Variants in EIF3D observed in about 807,000 individuals in gnomAD.
The protein encoded by EIF3D is eIF3 p66.
In EIF3D, 10 loss-of-function variants were observed where a neutral mutation model predicts 75.4. The ratio of observed to expected loss-of-function variants is 0.13; its 90% CI spans 0.08 to 0.22. EIF3D has a LOEUF of 0.22. EIF3D is among the 10% of genes least tolerant of loss of function. The probability of loss-of-function intolerance (pLI) is 1.00; values close to 1 mark genes in which losing one functional copy is unlikely to be tolerated. For synonymous variants in EIF3D, 246 were observed against 248.3 expected (o/e 0.99, Z 0.09); for missense variants, 394 against 708.0 (o/e 0.56, Z 5.03).
In EIF3D at chr22:36,512,486, C is replaced by G; in HGVS notation, c.1323G>C (p.Leu441=). Residue 441 remains leucine (L), a synonymous_variant, in exon 13 of 15, where the codon CTG becomes CTC. Coordinates refer to ENST00000216190, the MANE Select transcript of EIF3D (RefSeq NM_003753.4). ...KLARWTCCAL[L]AGSEYLKLGY... ...CAAGCTTGAGGTACTCAGATCCAGCCAGCAAAGCACAGCAGGTCCACCGGG... is the reference window on the plus strand; with the variant it reads ...CAAGCTTGAGGTACTCAGATCCAGCGAGCAAAGCACAGCAGGTCCACCGGG... The G allele has an allele frequency of 6.2e-7, 1 of 1,614,232 alleles. No homozygotes were observed. Among genetic ancestry groups the G allele is most frequent in the African/African-American group, 1.3e-5 (1 of 75,056 alleles).
intron 12 of EIF3D, among the ~76,000 whole-genome samples, chr22:36,513,266 A>G (rs563196111): frequency 6.6e-6 from 1 of 152,282 alleles, no homozygotes; most frequent in South Asian, 2.1e-4. Flanking sequence ...TGGCAAACAC[A>G]GGGCAAAAGA....
chr22:36,511,681 C>G lies in EIF3D; in HGVS notation c.1455G>C (p.Glu485Asp). The G allele has an allele frequency of 1.2e-6, 2 of 1,614,146 alleles. No individual in the cohort carries two copies. Among genetic ancestry groups the G allele is most frequent in the Non-Finnish European group, 8.5e-7 (1 of 1,180,036 alleles). Residue 485 changes from glutamate to aspartate, a missense_variant, in exon 14 of 15, where the codon GAG becomes GAC. By Grantham distance (45) the Glu-to-Asp change is conservative (BLOSUM62 2). Transcript: ENST00000216190. Reference protein sequence around the residue: ...EFASQINLSVENAWGILRCVI... With the variant: ...EFASQINLSVDNAWGILRCVI... ...CGCAGCGTAAAATGCCCCAGGCATT[C>G]TCCACGCTCAGGTTGATCTGGCTGG...
chr22:36,528,843 A>T, intron 1 of EIF3D: 2 of 158,640 alleles, frequency 1.3e-5, no homozygotes, highest in Non-Finnish European at 2.8e-5. Context: ...CACCCAGCTC[A>T]TGGGCACTGA....
chr22:36,516,621 G>C lies in EIF3D; in HGVS notation c.1077-14C>G. 6.2e-7 allele frequency: 1 copy of C among 1,613,966 alleles called. No homozygotes were observed. Among genetic ancestry groups the C allele is most frequent in the Non-Finnish European group, 8.5e-7 (1 of 1,179,830 alleles). ...CACCTGCGGTAACTGCAGCAAAAAAGAAACTCATGTGGTCACTGGGGATTC... is the reference window on the plus strand; with the variant it reads ...CACCTGCGGTAACTGCAGCAAAAAACAAACTCATGTGGTCACTGGGGATTC... On this transcript the variant is annotated splice_polypyrimidine_tract_variant and intron_variant, in intron 11 of 14. Coordinates refer to ENST00000216190, the MANE Select transcript of EIF3D (RefSeq NM_003753.4).
chr22:36,512,770 A>G, intron 12 of EIF3D, 168 bp from the exon 13 acceptor site: 3 of 723,964 alleles, frequency 4.1e-6, no homozygotes, highest in Non-Finnish European at 4.4e-6. Flanking sequence ...TCCCTTGCAC[A>G]GCCTGCCGCA....
At chr22:36,527,570 G>T (rs1934625509) in intron 1 of EIF3D, among the ~76,000 whole-genome samples, 1 of 152,228 alleles carries the variant, frequency 6.6e-6, no homozygotes, top group South Asian at 2.1e-4. Flanking sequence ...GCCGGGCGCG[G>T]TGGCTCACGC....
At chr22:36,514,645 A>G (rs1005548498) in intron 12 of EIF3D, among the ~76,000 whole-genome samples, 1 of 152,168 alleles carries the variant, frequency 6.6e-6, no homozygotes, top group African/African-American at 2.4e-5. Flanking sequence ...CTAGGAGCCA[A>G]GAGAGGCTCC....
intron 12 of EIF3D, chr22:36,512,848 G>GAC (rs1934362492): frequency 5.0e-6 from 2 of 402,198 alleles, no homozygotes; most frequent in East Asian, 7.4e-5. Flanking sequence ...ATGATGGATG[G>GAC]ACACACACGG....
At chr22:36,524,754 T>G (rs1468213387) in intron 3 of EIF3D, 22 bp from the exon 4 acceptor site, 1 of 1,614,188 alleles carries the variant, frequency 6.2e-7, no homozygotes, top group East Asian at 2.2e-5. Flanking sequence ...GGTGATGGCA[T>G]GTAGTAACTG....
At chr22:36,513,910 T>C (rs1270303546) in intron 12 of EIF3D, among the ~76,000 whole-genome samples, 2 of 152,174 alleles carry the variant, frequency 1.3e-5, no homozygotes, top group African/African-American at 2.4e-5. Flanking sequence ...GAAGCGTGTA[T>C]TGGACAATTG....
chr22:36,517,520 A>G (rs1422071737), intron 9 of EIF3D, 89 bp from the exon 10 acceptor site: 2 of 1,427,072 alleles, frequency 1.4e-6, no homozygotes, highest in South Asian at 3.0e-5. Flanking sequence ...AGAGGCAAAC[A>G]ACACAAGTCC....
At chr22:36,511,959 T>C (rs994947252) in intron 13 of EIF3D, among the ~76,000 whole-genome samples, 173 bp from the exon 14 acceptor site, 2 of 151,208 alleles carry the variant, frequency 1.3e-5, no homozygotes, top group East Asian at 1.9e-4. Flanking sequence ...GGCGCCATCT[T>C]GGCTCACTGC....
intron 1 of EIF3D, among the ~76,000 whole-genome samples, chr22:36,528,420 G>A (rs78604521): frequency 3.7e-4 from 55 of 148,166 alleles, no homozygotes; most frequent in Non-Finnish European, 6.5e-4. Flanking sequence ...TTTAATAAAT[G>A]TTTTTTTTTT....
chr22:36,522,204 A>T (rs1934524616), intron 6 of EIF3D, among the ~76,000 whole-genome samples: 1 of 152,070 alleles, frequency 6.6e-6, no homozygotes. Flanking sequence ...AAATACAAAA[A>T]TTAGCCAGGC....
intron 14 of EIF3D, 55 bp downstream of exon 14, chr22:36,511,448 C>G: frequency 6.3e-7 from 1 of 1,597,060 alleles, no homozygotes; most frequent in African/African-American, 1.3e-5. Flanking sequence ...ACAGAGCTTG[C>G]TCCCGTGCTA....
chr22:36,522,779 T>C (rs895648699), intron 6 of EIF3D, among the ~76,000 whole-genome samples: 4 of 152,312 alleles, frequency 2.6e-5, no homozygotes, highest in African/African-American at 9.6e-5. Context: ...AAATGCCTCA[T>C]GCCCTTCTCT....
At chr22:36,512,355 C>T in intron 13 of EIF3D, 105 bp downstream of exon 13, 1 of 1,492,646 alleles carries the variant, frequency 6.7e-7, no homozygotes, top group South Asian at 1.3e-5. Context: ...CTGGATTTAT[C>T]TCTGCCAGTC....
chr22:36,513,595 G>A (rs913916635), intron 12 of EIF3D, among the ~76,000 whole-genome samples: 1 of 152,194 alleles, frequency 6.6e-6, no homozygotes, highest in African/African-American at 2.4e-5. Flanking sequence ...GAGCCACCGT[G>A]CCCGGCCAAG....
chr22:36,514,121 T>G (rs1353358401), intron 12 of EIF3D, among the ~76,000 whole-genome samples: 2 of 152,118 alleles, frequency 1.3e-5, no homozygotes, highest in African/African-American at 4.8e-5. Flanking sequence ...TTGGAGATGT[T>G]GGAGGCTCAG....
Sources: allele counts gnomAD v4.1 joint callset (sites outside exome capture counted in the v4.1 genomes callset), GRCh38; gene constraint gnomAD v4.1.1; transcripts MANE v1.5; gene names NCBI Gene and HGNC (gene_info 2026-07-23, HGNC 2026-07-21).